FLII: variants seen among roughly 807,000 people sequenced by gnomAD.
The protein encoded by FLII is protein flightless-1 homolog.
A neutral mutation model predicts 156.2 loss-of-function variants in FLII; 101 were observed. The observed-to-expected ratio is 0.65, with a 90% CI of 0.55 to 0.76. FLII has a LOEUF of 0.76. FLII is among the 30% of genes least tolerant of loss of function. The probability of loss-of-function intolerance (pLI) is 0.00; values close to 1 mark genes in which losing one functional copy is unlikely to be tolerated. For missense variants in FLII, 1,675 were observed against 1,682.8 expected (o/e 1.00, Z 0.08); for synonymous variants, 767 against 685.8 (o/e 1.12, Z -1.85).
In FLII at chr17:18,248,573, G is replaced by C; in HGVS notation, c.2167C>G (p.Pro723Ala). ...IKKHVPEDFW[P>A]PQPKLYKVGL... ...ACCTTGTACAGCTTGGGCTGCGGCG[G>C]CCAGAAGTCTTCAGGCACGTGCTTC... The change falls in exon 18 of 30, where the codon CCG becomes GCG. Residue 723 changes from proline to alanine, a missense_variant. Physicochemically the swap from Pro to Ala is conservative, Grantham distance 27 (BLOSUM62 -1). This residue lies in a region of FLII where 1,332 missense variants were observed against 1,269.3 expected (regional missense o/e 1.05). Transcript: ENST00000327031. 1 of 1,611,678 alleles carries C rather than the reference G, an allele frequency of 6.2e-7. No homozygotes were observed. Among genetic ancestry groups the C allele is most frequent in the African/African-American group, 1.3e-5 (1 of 75,012 alleles).
chr17:18,258,346 C>CGA lies in FLII; in HGVS notation c.63+280_63+281dup, dbSNP rs1354724288. ...CCCCAGGCCACCATCCAGCCTAGAC[C>CGA]GAGAACACGGACGCGGGGTGGGGGC... On this transcript the variant is annotated intron_variant, in intron 1 of 29. Coordinates refer to ENST00000327031, the MANE Select transcript of FLII (RefSeq NM_002018.4). The surrounding 1 kb of genome is among the most constrained non-coding windows in gnomAD (Gnocchi z 4.2). 1.6e-5 allele frequency: 12 copies of CGA among 763,830 alleles called. No individual in the cohort carries two copies. The highest frequency in any genetic ancestry group is 2.2e-5 in the Non-Finnish European group (11 of 490,868). 47.3% of individuals were successfully genotyped at this position (763,830 alleles called of 1,614,324 possible).
chr17:18,246,321 C>T lies in FLII; in HGVS notation c.3193G>A (p.Ala1065Thr), dbSNP rs1209487591. ...CCAGCCAGGCACCGGGTGCAGAGGGCGCTGCCGTTGGTGCGGATCTGGTAG... is the reference window on the plus strand; with the variant it reads ...CCAGCCAGGCACCGGGTGCAGAGGGTGCTGCCGTTGGTGCGGATCTGGTAG... ...SLYQIRTNGS[A>T]LCTRCIQINT... The change falls in exon 24 of 30, where the codon GCC (alanine) becomes ACC (threonine). Residue 1065 changes from alanine to threonine, a missense_variant. Transcript: ENST00000327031. 1.4e-5 allele frequency: 22 copies of T among 1,613,710 alleles called. No individual in the cohort carries two copies. The highest frequency in any genetic ancestry group is 1.8e-5 in the Non-Finnish European group (21 of 1,180,036).
rs745788437 is a variant in FLII, at chr17:18,247,158, C to T, written c.2676+11G>A. The T allele has an allele frequency of 1.4e-6, 2 of 1,458,468 alleles. No homozygotes were observed. Among genetic ancestry groups the T allele is most frequent in the South Asian group, 1.2e-5 (1 of 81,804 alleles). The allele number at this position is 1,458,468 out of a possible 1,614,324, so 90.3% of individuals were successfully genotyped here. ...CCCCCCCCCGCGCCCCGGTCCCGGCCCTGCCCCCACCTCGGCCAGCGACAT... is the reference window on the plus strand; with the variant it reads ...CCCCCCCCCGCGCCCCGGTCCCGGCTCTGCCCCCACCTCGGCCAGCGACAT... On this transcript the variant is annotated intron_variant, in intron 21 of 29. Coordinates refer to ENST00000327031, the MANE Select transcript of FLII (RefSeq NM_002018.4).
In FLII at chr17:18,251,426, C is replaced by T. The variant is rs2048264476; in HGVS notation, c.1435G>A (p.Gly479Ser). ...PSGKVRRWDQGLEKPRLDYSE... is the reference protein window; with the variant it reads ...PSGKVRRWDQSLEKPRLDYSE... Reference sequence around the variant, plus strand: ...TAGTCAAGGCGGGGCTTCTCCAGGCCCTGGTCCCAACGCCGCACCTTCCCG... The same window carrying T: ...TAGTCAAGGCGGGGCTTCTCCAGGCTCTGGTCCCAACGCCGCACCTTCCCG... Residue 479 changes from glycine (G) to serine (S), a missense_variant, in exon 13 of 30, where the codon GGC becomes AGC. Coordinates refer to ENST00000327031, the MANE Select transcript of FLII (RefSeq NM_002018.4). 1 of 1,612,620 alleles carries T rather than the reference C, an allele frequency of 6.2e-7. No homozygotes were observed. The highest frequency in any genetic ancestry group is 8.5e-7 in the Non-Finnish European group (1 of 1,179,758).
rs1436760602 is a variant in FLII, at chr17:18,258,574, C to T, written c.63+54G>A. 3.9e-6 allele frequency: 6 copies of T among 1,526,650 alleles called. No individual in the cohort carries two copies. In the Admixed American group the frequency reaches 5.9e-5, roughly 15 times the overall value. 94.6% of individuals were successfully genotyped at this position (1,526,650 alleles called of 1,614,324 possible). A position where few individuals can be genotyped will look rare whatever the true frequency, so the allele number is the denominator to read the frequency against. On this transcript the variant is annotated intron_variant, in intron 1 of 29. Transcript: ENST00000327031. This position sits in a 1 kb window ranked among gnomAD's most constrained non-coding sequence, Gnocchi z 4.2. ...GACAGGAAGCGGAGGCCAAGCGGGC[C>T]GGGCGGAAGAGAAGGCCTGCAGGGA...
chr17:18,247,054 T>C lies in FLII; in HGVS notation c.2677-2A>G, dbSNP rs200681466. The C allele has an allele frequency of 1.2e-6, 2 of 1,612,334 alleles. No individual in the cohort carries two copies. Among genetic ancestry groups the C allele is most frequent in the Admixed American group, 3.3e-5 (2 of 60,004 alleles). ...CCACTCCTCCATCAGCTGCTCCGCC[T>C]GCAGGTGAGAGGGACCCGCCCCGCG... On this transcript the variant is annotated splice_acceptor_variant, in intron 21 of 29. Transcript: ENST00000327031. LOFTEE classifies it high-confidence loss of function.
In FLII at chr17:18,251,364, G is replaced by A. The variant is rs776650303; in HGVS notation, c.1497C>T (p.Pro499=). 35 of 1,613,646 alleles carry A rather than the reference G, an allele frequency of 2.2e-5. No homozygotes were observed. Among genetic ancestry groups the A allele is most frequent in the South Asian group, 8.8e-5 (8 of 91,088 alleles). The change falls in exon 13 of 30, where the codon CCC becomes CCT. Residue 499 remains proline (P), a synonymous_variant. Transcript: ENST00000327031. The part of the protein sequence containing the change: ...EFFTEDVGQL[P]GLTIWQIENF... ...TCTCTATCTGCCAGATGGTCAGTCC[G>A]GGCAGCTGGCCCACGTCCTCCGTGA...
Position 18,247,225 on chromosome 17 carries a change from T to G in FLII, c.2620A>C (p.Lys874Gln), listed in dbSNP as rs2048104062. The G allele has an allele frequency of 1.9e-6, 3 of 1,596,856 alleles. No individual in the cohort carries two copies. Among genetic ancestry groups the G allele is most frequent in the Non-Finnish European group, 2.5e-6 (3 of 1,177,132 alleles). The part of the protein sequence containing the change: ...KRDAEKKDQM[K>Q]ADLTALFLPR... ...AGGAAAAGCGCAGTGAGGTCAGCCT[T>G]CATCTGGTCTTTCTTCTCGGCGTCG... The change falls in exon 21 of 30, where the codon AAG becomes CAG. Residue 874 changes from lysine to glutamine, a missense_variant. Coordinates refer to ENST00000327031, the MANE Select transcript of FLII (RefSeq NM_002018.4).
rs766618137 is a variant in FLII, at chr17:18,245,911, C to T, written c.3396+23G>A. ...CTGCCCTGGCTCCTCTGTGTGTGCC[C>T]GCCTGCCCGCCCGCCTCCTGACCTG... On this transcript the variant is annotated intron_variant, in intron 26 of 29. Coordinates refer to ENST00000327031, the MANE Select transcript of FLII (RefSeq NM_002018.4). 30 of 1,611,542 alleles carry T rather than the reference C, an allele frequency of 1.9e-5. No homozygotes were observed. The Admixed American group carries it at 2.0e-4, about 11-fold the overall frequency.
intron 3 of FLII, among the ~76,000 whole-genome samples, chr17:18,256,244 G>A (rs1339173583): frequency 6.6e-6 from 1 of 152,254 alleles, no homozygotes; most frequent in Non-Finnish European, 1.5e-5. Flanking sequence ...TGCTCAGCCA[G>A]TCTTGGCTAT....
Position 18,248,705 on chromosome 17 carries a change from T to C in FLII, c.2035A>G (p.Ile679Val). 1 of 1,613,696 alleles carries C rather than the reference T, an allele frequency of 6.2e-7. No homozygotes were observed. Among genetic ancestry groups the C allele is most frequent in the Non-Finnish European group, 8.5e-7 (1 of 1,179,628 alleles). The change falls in exon 18 of 30, where the codon ATT (isoleucine) becomes GTT (valine). Residue 679 changes from isoleucine to valine, a missense_variant. Physicochemically the swap from Ile to Val is conservative, Grantham distance 29 (BLOSUM62 3). Coordinates refer to ENST00000327031, the MANE Select transcript of FLII (RefSeq NM_002018.4). Reference sequence around the variant, plus strand: ...TTCCCTTTCCGCTCATTCTTGTTAATTTTCTCTGCAAAGAGCCTGAGAGCA... The same window carrying C: ...TTCCCTTTCCGCTCATTCTTGTTAACTTTCTCTGCAAAGAGCCTGAGAGCA... ...TTKARLFAEK[I>V]NKNERKGKAE...
chr17:18,254,715 G>A, intron 5 of FLII, 33 bp from the exon 6 acceptor site: 13 of 1,613,862 alleles, frequency 8.1e-6, no homozygotes, highest in Non-Finnish European at 1.1e-5. Flanking sequence ...ACCTGAGTCA[G>A]CACCAGCCAC....
In FLII at chr17:18,258,376, G is replaced by T; in HGVS notation, c.63+252C>A. The T allele has an allele frequency of 9.4e-7, 1 of 1,064,924 alleles. No homozygotes were observed. Among genetic ancestry groups the T allele is most frequent in the Non-Finnish European group, 1.3e-6 (1 of 757,542 alleles). The allele number at this position is 1,064,924 out of a possible 1,614,324, so 66.0% of individuals were successfully genotyped here. A position where few individuals can be genotyped will look rare whatever the true frequency, so the allele number is the denominator to read the frequency against. On this transcript the variant is annotated intron_variant, in intron 1 of 29. Transcript: ENST00000327031. This position sits in a 1 kb window ranked among gnomAD's most constrained non-coding sequence, Gnocchi z 4.2. The stretch of plus-strand genomic sequence containing the variant: ...ACACGGACGCGGGGTGGGGGCTCCC[G>T]GCCGGGCCCCCGGCGGGACTCCGAG...
At chr17:18,248,503 G>A in intron 18 of FLII, 47 bp downstream of exon 18, 1 of 1,543,646 alleles carries the variant, frequency 6.5e-7, no homozygotes, top group African/African-American at 1.4e-5. Context: ...CCCCCAGTCG[G>A]TGGGTGAACT....
intron 6 of FLII, 112 bp downstream of exon 6, chr17:18,254,409 C>T (rs2048356514): frequency 5.3e-6 from 6 of 1,127,994 alleles, no homozygotes; most frequent in South Asian, 3.1e-5. Flanking sequence ...GCTGCCTGCA[C>T]GGAGGGATGG....
In FLII at chr17:18,246,725, TCTC is replaced by T. The variant is rs781090764; in HGVS notation, c.2917_2919del (p.Glu973del). On this transcript the variant is annotated inframe_deletion, in exon 23 of 30. Coordinates refer to ENST00000327031, the MANE Select transcript of FLII (RefSeq NM_002018.4). ...CACTGGAAGTCCTCCTCTGGCTGCTTCTCCTCTGCCTCAGCGGTTGCTTCCTCG... is the reference window on the plus strand; with the variant it reads ...CACTGGAAGTCCTCCTCTGGCTGCTTCTCTGCCTCAGCGGTTGCTTCCTCG... 5.0e-6 allele frequency: 8 copies of T among 1,613,448 alleles called. No individual in the cohort carries two copies. The highest frequency in any genetic ancestry group is 1.3e-5 in the African/African-American group (1 of 75,024).
chr17:18,254,222 T>G, intron 6 of FLII, 40 bp from the exon 7 acceptor site: 1 of 1,499,484 alleles, frequency 6.7e-7, no homozygotes. Flanking sequence ...AGGGCCCACC[T>G]AGGGAGTGTT....
rs767755825 is a variant in FLII, at chr17:18,247,149, G to T, written c.2676+20C>A. 5.0e-6 allele frequency: 3 copies of T among 594,148 alleles called. No individual in the cohort carries two copies. The highest frequency in any genetic ancestry group is 6.7e-5 in the South Asian group (2 of 29,914). The allele number at this position is 594,148 out of a possible 1,614,324, so 36.8% of individuals were successfully genotyped here. A position where few individuals can be genotyped will look rare whatever the true frequency, so the allele number is the denominator to read the frequency against. On this transcript the variant is annotated intron_variant, in intron 21 of 29. Coordinates refer to ENST00000327031, the MANE Select transcript of FLII (RefSeq NM_002018.4). ...CCCCCCACCCCCCCCCCCGCGCCCC[G>T]GTCCCGGCCCTGCCCCCACCTCGGC...
At chr17:18,248,366 T>TG in intron 18 of FLII, among the ~76,000 whole-genome samples, 184 bp downstream of exon 18, 1 of 152,308 alleles carries the variant, frequency 6.6e-6, no homozygotes, top group East Asian at 1.9e-4. Context: ...AAAGACTCCG[T>TG]GAGGCTACTT....
Sources: allele counts gnomAD v4.1 joint callset (sites outside exome capture counted in the v4.1 genomes callset), GRCh38; gene constraint gnomAD v4.1.1; regional missense constraint gnomAD v4.1.1; non-coding constraint Gnocchi (gnomAD v3.1); transcripts MANE v1.5; gene names NCBI Gene and HGNC (gene_info 2026-07-23, HGNC 2026-07-21).